Variants in LONP2 observed in about 807,000 individuals in gnomAD.
The protein encoded by LONP2 is lon protease homolog 2, peroxisomal.
LONP2 carries 60 observed loss-of-function variants against 85.6 expected under a neutral mutation model. The ratio of observed to expected loss-of-function variants is 0.70; its 90% CI spans 0.57 to 0.87. The LOEUF is 0.87. Ranked by LOEUF, LONP2 falls within the 40% of genes least tolerant of loss-of-function variation. The pLI, the probability that LONP2 is intolerant of heterozygous loss-of-function variation, is 0.00. For synonymous variants in LONP2, 395 were observed against 389.7 expected (o/e 1.01, Z -0.16); for missense variants, 860 against 1,063.5 (o/e 0.81, Z 2.66).
chr16:48,343,150 T>C (rs1340505964), intron 12 of LONP2, among the ~76,000 whole-genome samples: 1 of 152,154 alleles, frequency 6.6e-6, no homozygotes, highest in Non-Finnish European at 1.5e-5. Flanking sequence ...GAGGTATTCA[T>C]GCTTATGTCC....
chr16:48,296,463 C>G (rs929214485), intron 9 of LONP2, among the ~76,000 whole-genome samples: 46 of 152,160 alleles, frequency 3.0e-4, no homozygotes, highest in African/African-American at 1.1e-3. Context: ...TGTGGTGGCT[C>G]ACACCTGTCA....
chr16:48,258,882 C>A, intron 4 of LONP2, 142 bp downstream of exon 4: 1 of 754,240 alleles, frequency 1.3e-6, no homozygotes, highest in Non-Finnish European at 1.9e-6. Context: ...CTTTTCTTTG[C>A]CTGGATTTTT....
At chr16:48,314,266 T>C (rs1276721937) in intron 11 of LONP2, among the ~76,000 whole-genome samples, 1 of 152,182 alleles carries the variant, frequency 6.6e-6, no homozygotes, top group Non-Finnish European at 1.5e-5. Flanking sequence ...CTGTTCACTC[T>C]GATGATACTT....
chr16:48,355,565 T>C lies in LONP2; in HGVS notation c.*3763T>C, dbSNP rs1960311968. 1 of 152,166 alleles carries C rather than the reference T, an allele frequency of 6.6e-6. No homozygotes were observed. Among genetic ancestry groups the C allele is most frequent in the Admixed American group, 6.5e-5 (1 of 15,270 alleles). The allele number at this position is 152,166 out of a possible 1,614,324, so 9.4% of individuals were successfully genotyped here. Reference sequence around the variant, plus strand: ...TGACTAAGACAACAGGATAATTCTGTTTAACTTTTTGAGAACTGCCAAACT... The same window carrying C: ...TGACTAAGACAACAGGATAATTCTGCTTAACTTTTTGAGAACTGCCAAACT... On this transcript the variant is annotated 3_prime_UTR_variant, in exon 15 of 15. Transcript: ENST00000285737.
At chr16:48,347,855 C>T in intron 13 of LONP2, 141 bp downstream of exon 13, 2 of 847,612 alleles carry the variant, frequency 2.4e-6, no homozygotes, top group Non-Finnish European at 3.6e-6. Context: ...ATCCTAGTTC[C>T]CATTTCAGGA....
At chr16:48,245,832 C>T (rs1971345164) in intron 1 of LONP2, among the ~76,000 whole-genome samples, 1 of 152,030 alleles carries the variant, frequency 6.6e-6, no homozygotes, top group Non-Finnish European at 1.5e-5. Flanking sequence ...TTTTATTGGA[C>T]AATGCTGGTA....
At chr16:48,295,664 A>G (rs954887277) in intron 8 of LONP2, among the ~76,000 whole-genome samples, 6 of 152,196 alleles carry the variant, frequency 3.9e-5, no homozygotes, top group African/African-American at 1.4e-4. Flanking sequence ...AGCAGTTTAG[A>G]TAGGGTGTGT....
At chr16:48,310,685 C>G (rs984022296) in intron 11 of LONP2, among the ~76,000 whole-genome samples, 1 of 151,966 alleles carries the variant, frequency 6.6e-6, no homozygotes, top group Non-Finnish European at 1.5e-5. Context: ...TTTTTGTTCC[C>G]GCTTTGTGGT....
Position 48,362,392 on chromosome 16 carries a change from T to A in LONP2, c.*529T>A, listed in dbSNP as rs773561407. The A allele has an allele frequency of 1.9e-6, 3 of 1,614,166 alleles. No individual in the cohort carries two copies. The highest frequency in any genetic ancestry group is 1.7e-5 in the Admixed American group (1 of 60,020). ...CTCTGGGATGGTGGACACTTCGAGG[T>A]ACCGGTAGGTAATGCTGTAGCAGTC... On this transcript the variant is annotated 3_prime_UTR_variant, in exon 5 of 5. Coordinates refer to the LONP2 transcript ENST00000565867. The surrounding 1 kb of genome is among the most constrained non-coding windows in gnomAD (Gnocchi z 4.2).
At chr16:48,340,628 G>A (rs1011469935) in intron 12 of LONP2, among the ~76,000 whole-genome samples, 5 of 152,170 alleles carry the variant, frequency 3.3e-5, no homozygotes, top group Admixed American at 6.5e-5. Context: ...TAAACAGATT[G>A]AAAAATGATG....
chr16:48,347,029 C>G (rs1219965193), intron 12 of LONP2, among the ~76,000 whole-genome samples: 1 of 151,952 alleles, frequency 6.6e-6, no homozygotes, highest in Admixed American at 6.6e-5. Context: ...CTGTGTGCGC[C>G]CATAGTACCA....
chr16:48,327,952 C>T (rs1053191693), intron 11 of LONP2, among the ~76,000 whole-genome samples: 1 of 151,984 alleles, frequency 6.6e-6, no homozygotes, highest in African/African-American at 2.4e-5. Context: ...GTGGTCAGAG[C>T]CCTGTCTGTG....
intron 12 of LONP2, among the ~76,000 whole-genome samples, chr16:48,338,614 T>G (rs1423492735): frequency 6.6e-6 from 1 of 152,004 alleles, no homozygotes; most frequent in African/African-American, 2.4e-5. Context: ...CACATTACAG[T>G]TGAAATATCC....
intron 9 of LONP2, among the ~76,000 whole-genome samples, chr16:48,297,535 C>G (rs1218005880): frequency 2.0e-5 from 3 of 152,168 alleles, no homozygotes; most frequent in Non-Finnish European, 4.4e-5. Context: ...GTCTTGAACT[C>G]CTGACCTTAG....
At chr16:48,294,554 C>G (rs960766479) in intron 8 of LONP2, among the ~76,000 whole-genome samples, 1 of 152,034 alleles carries the variant, frequency 6.6e-6, no homozygotes, top group African/African-American at 2.4e-5. Flanking sequence ...TTGCTTGAGG[C>G]CAGGAGTTTG....
intron 11 of LONP2, among the ~76,000 whole-genome samples, chr16:48,328,186 G>A (rs576457048): frequency 6.6e-6 from 1 of 152,318 alleles, no homozygotes; most frequent in Admixed American, 6.5e-5. Flanking sequence ...GCCAAGGCAG[G>A]AGGACCTGAG....
rs754666721 is a variant in LONP2 at position 48,296,120 on chromosome 16, A to G, written c.1489A>G (p.Ile497Val). 4.3e-6 allele frequency: 7 copies of G among 1,614,196 alleles called. No individual in the cohort carries two copies. The East Asian group carries it at 1.1e-4, about 26-fold the overall frequency. The change falls in exon 9 of 15, where the codon ATT becomes GTT. Residue 497 changes from isoleucine to valine, a missense_variant. Physicochemically the swap from Ile to Val is conservative, Grantham distance 29. This residue lies in a region of LONP2 where 743 missense variants were observed against 917.3 expected (regional missense o/e 0.81). Coordinates refer to ENST00000285737, the MANE Select transcript of LONP2 (RefSeq NM_031490.5). ...FIATANTTAT[I>V]PAALLDRMEI... ...AGCTACTGCCAACACCACTGCTACC[A>G]TTCCAGCTGCCTTGTTGGACAGAAT... is the stretch of plus-strand genomic sequence containing the variant.
Position 48,348,148 on chromosome 16 carries a change from T to A in LONP2, c.2195T>A (p.Phe732Tyr). The A allele has an allele frequency of 6.2e-7, 1 of 1,611,660 alleles. No homozygotes were observed. Among genetic ancestry groups the A allele is most frequent in the Non-Finnish European group, 8.5e-7 (1 of 1,179,528 alleles). ...LLDNTDIHLH[F>Y]PAGAVTKDGP... ...GACAACACAGACATCCATCTGCACTTCCCAGCTGGAGCTGTCACAAAAGAT... is the reference window on the plus strand; with the variant it reads ...GACAACACAGACATCCATCTGCACTACCCAGCTGGAGCTGTCACAAAAGAT... The change falls in exon 14 of 15, where the codon TTC becomes TAC. Residue 732 changes from phenylalanine (F) to tyrosine (Y), a missense_variant. Physicochemically the swap from Phe to Tyr is conservative, Grantham distance 22. Around this residue, in one of 3 missense-constraint regions of LONP2, gnomAD observed 743 missense variants for 917.3 expected, o/e 0.81. Coordinates refer to ENST00000285737, the MANE Select transcript of LONP2 (RefSeq NM_031490.5).
At chr16:48,276,229 C>A (rs1490681556) in intron 7 of LONP2, among the ~76,000 whole-genome samples, 1 of 152,204 alleles carries the variant, frequency 6.6e-6, no homozygotes, top group Admixed American at 6.5e-5. Flanking sequence ...AGTCACCTTT[C>A]CCGGATGAAA....
Sources: gnomAD v4.1 joint callset for allele counts (sites outside exome capture counted in the v4.1 genomes callset) on GRCh38, gnomAD v4.1.1 for gene constraint, gnomAD v4.1.1 regional missense constraint, Gnocchi (gnomAD v3.1) non-coding constraint, MANE v1.5 for transcripts, NCBI Gene and HGNC (gene_info 2026-07-23, HGNC 2026-07-21) for gene names.